Variants in SASH1 observed in about 807,000 individuals in gnomAD.
The protein encoded by SASH1 is SAM and SH3 domain-containing protein 1.
In SASH1, 44 loss-of-function variants were observed where a neutral mutation model predicts 125.2. The observed-to-expected ratio is 0.35, with a 90% confidence interval of 0.28 to 0.45. The LOEUF (loss-of-function observed/expected upper bound fraction) is 0.45. Among genes scored for constraint, SASH1 ranks in the 20% least tolerant of loss-of-function variants. The pLI is 1.00. For missense variants in SASH1, 1,426 were observed against 1,614.5 expected, an observed-to-expected ratio of 0.88 and a Z score of 2.00; for synonymous variants, 639 against 649.1, an observed-to-expected ratio of 0.98 and a Z score of 0.24.
intron 2 of SASH1, among the ~76,000 whole-genome samples, chr6:148,422,844 G>C (rs1249639537): frequency 6.6e-6 from 1 of 152,194 alleles, no homozygotes; most frequent in Non-Finnish European, 1.5e-5. Context: ...CCCTGGGCTA[G>C]AGTTTGCCAT....
At chr6:148,378,602 C>T (rs368166231) in intron 1 of SASH1, among the ~76,000 whole-genome samples, 18 of 152,146 alleles carry the variant, frequency 1.2e-4, no homozygotes, top group East Asian at 1.9e-4. Context: ...TCAAGTGATC[C>T]GCCTGCCTTA....
rs1478803367 is a variant in SASH1 at position 148,402,575 on chromosome 6, C to CT, written c.285+12314dup. ...CCGCCTGCCTTGGCCTCCCAAAGTG[C>CT]TGGGATTACAGGGGTGAGCCACTGC... On this transcript the variant is annotated intron_variant, in intron 2 of 19. Transcript: ENST00000367467. Among the ~76,000 whole-genome samples the CT allele has an allele frequency of 3.3e-5, 5 of 151,298 alleles. No homozygotes were observed. The East Asian group carries it at 9.7e-4, about 29-fold the overall frequency.
chr6:148,479,252 T>A (rs1030230380), intron 7 of SASH1: 1 of 152,494 alleles, frequency 6.6e-6, no homozygotes, highest in African/African-American at 2.4e-5. Flanking sequence ...TTTTACCATG[T>A]TGGCCAGTGT....
At chr6:148,540,641 C>A in intron 17 of SASH1, 85 bp downstream of exon 17, 1 of 994,962 alleles carries the variant, frequency 1.0e-6, no homozygotes, top group Non-Finnish European at 1.6e-6. Flanking sequence ...CGATTCTATT[C>A]CTGTCATGAA....
the SASH1 span, among the ~76,000 whole-genome samples, chr6:148,254,299 G>A: frequency 6.6e-6 from 1 of 152,010 alleles, no homozygotes; most frequent in Admixed American, 6.6e-5. Context: ...ACTGGAGCTA[G>A]AATATACAAA....
At chr6:148,358,624 T>C (rs1782048412) in intron 1 of SASH1, among the ~76,000 whole-genome samples, 1 of 152,192 alleles carries the variant, frequency 6.6e-6, no homozygotes, top group African/African-American at 2.4e-5. Context: ...CTTAACTATC[T>C]TTTAAAACTA....
intron 1 of SASH1, among the ~76,000 whole-genome samples, chr6:148,280,052 ACATCATTCCCCCC>A (rs66508685): frequency 0.25 from 23,615 of 94,384 alleles, 2,924 homozygotes; most frequent in South Asian, 0.31. Flanking sequence ...ATTCCCCCTA[ACATCATTCCCCCC>A]CATCATTCCC....
chr6:148,314,697 C>T (rs1279018961), intron 1 of SASH1, among the ~76,000 whole-genome samples: 7 of 151,822 alleles, frequency 4.6e-5, no homozygotes, highest in Non-Finnish European at 7.4e-5. Context: ...GGGACAAGAA[C>T]GAGAAGGTGG....
At position 148,307,064 on chromosome 6, in the gene SASH1, C is replaced by CTTTCTT. The variant is rs770381170; in HGVS notation, n.74+34689_74+34694dup. Among the ~76,000 whole-genome samples, 177 of 146,704 alleles carry CTTTCTT rather than the reference C, an allele frequency of 1.2e-3. 3 individuals are homozygous for CTTTCTT. The highest frequency in any genetic ancestry group is 2.4e-4 in the Non-Finnish European group (16 of 67,006). ...TCTTTCTTTCTTTCTTTCTTTCTTT[C>CTTTCTT]TTTCTTTCTTTCTTTCTTTCTTTCT... On this transcript the variant is annotated intron_variant and non_coding_transcript_variant, in intron 1 of 3. Transcript: ENST00000367469.
intron 4 of SASH1, among the ~76,000 whole-genome samples, chr6:148,465,541 T>A (rs111804262): frequency 4.9e-4 from 65 of 133,438 alleles, no homozygotes; most frequent in Non-Finnish European, 6.5e-4. Flanking sequence ...AGACTCTGTC[T>A]CCAGGAGAAA....
At chr6:148,199,197 C>T in the SASH1 span, among the ~76,000 whole-genome samples, 8 of 152,248 alleles carry the variant, frequency 5.3e-5, no homozygotes, top group East Asian at 1.5e-3. Context: ...GCTTGGCCAA[C>T]ATGGCAAAAC....
the SASH1 span, among the ~76,000 whole-genome samples, chr6:148,258,446 A>AC: frequency 6.6e-6 from 1 of 152,128 alleles, no homozygotes; most frequent in Non-Finnish European, 1.5e-5. Context: ...TACTTTTATT[A>AC]CCCCCAATTT....
At chr6:148,388,356 A>G (rs1034987763) in intron 1 of SASH1, among the ~76,000 whole-genome samples, 1 of 152,162 alleles carries the variant, frequency 6.6e-6, no homozygotes, top group Non-Finnish European at 1.5e-5. Context: ...ACACTTGACA[A>G]TAGACGACAT....
At chr6:148,276,872 G>A (rs1397556278) in intron 1 of SASH1, among the ~76,000 whole-genome samples, 1 of 152,012 alleles carries the variant, frequency 6.6e-6, no homozygotes, top group Non-Finnish European at 1.5e-5. Context: ...GTCACTTGAA[G>A]CCAGGAGTTA....
At chr6:148,463,889 T>G (rs1269162575) in intron 4 of SASH1, among the ~76,000 whole-genome samples, 1 of 152,178 alleles carries the variant, frequency 6.6e-6, no homozygotes, top group Non-Finnish European at 1.5e-5. Flanking sequence ...CCTCAACTTC[T>G]CCTCACTCCT....
chr6:148,361,051 A>T (rs1309388179), intron 1 of SASH1, among the ~76,000 whole-genome samples: 1 of 152,198 alleles, frequency 6.6e-6, no homozygotes, highest in Non-Finnish European at 1.5e-5. Context: ...ACCCACAGAG[A>T]ACAGCATGTG....
chr6:148,283,772 C>CA (rs1405231660), intron 1 of SASH1, among the ~76,000 whole-genome samples: 2 of 151,554 alleles, frequency 1.3e-5, no homozygotes, highest in African/African-American at 2.4e-5. Context: ...GACTCTGTCT[C>CA]AAAAAAAATG....
At chr6:148,431,686 T>C (rs1245950273) in intron 2 of SASH1, among the ~76,000 whole-genome samples, 1 of 151,550 alleles carries the variant, frequency 6.6e-6, no homozygotes, top group Non-Finnish European at 1.5e-5. Flanking sequence ...GCTCATCTAG[T>C]GGGACGGCTG....
intron 1 of SASH1, among the ~76,000 whole-genome samples, chr6:148,330,541 G>T (rs1263752646): frequency 6.6e-6 from 1 of 152,094 alleles, no homozygotes; most frequent in Non-Finnish European, 1.5e-5. Flanking sequence ...CTTGGAAACA[G>T]TTAACAATCT....
Sources: gnomAD v4.1 joint callset for allele counts (sites outside exome capture counted in the v4.1 genomes callset) on GRCh38, gnomAD v4.1.1 for gene constraint, MANE v1.5 for transcripts, NCBI Gene and HGNC (gene_info 2026-07-23, HGNC 2026-07-21) for gene names.